N4BP1: variants seen among roughly 807,000 people sequenced by gnomAD.
The protein encoded by N4BP1 is NEDD4-binding protein 1.
A neutral mutation model predicts 70.9 loss-of-function variants in N4BP1; 21 were observed. That is an observed-to-expected ratio of 0.30 (90% CI 0.21 to 0.43). N4BP1 has a LOEUF of 0.43. Among genes scored for constraint, N4BP1 ranks in the 20% least tolerant of loss-of-function variants. The probability of loss-of-function intolerance (pLI) is 1.00; values close to 1 mark genes in which losing one functional copy is unlikely to be tolerated. For synonymous variants in N4BP1, 387 were observed against 394.6 expected, an observed-to-expected ratio of 0.98 and a Z score of 0.23; for missense variants, 936 against 1,069.4, an observed-to-expected ratio of 0.88 and a Z score of 1.74.
intron 1 of N4BP1, among the ~76,000 whole-genome samples, chr16:48,573,480 C>A (rs950894264): frequency 7.2e-5 from 11 of 152,160 alleles, no homozygotes; most frequent in African/African-American, 2.7e-4. Flanking sequence ...GTAGTCCCAG[C>A]TACTCAGGAG....
At chr16:48,546,858 A>G (rs536987978) in intron 5 of N4BP1, among the ~76,000 whole-genome samples, 1 of 152,356 alleles carries the variant, frequency 6.6e-6, no homozygotes, top group Admixed American at 6.5e-5. Context: ...GCTGGAGAAC[A>G]CCAGTCTTGA....
chr16:48,569,196 C>T (rs1284707607), intron 1 of N4BP1, among the ~76,000 whole-genome samples: 1 of 152,152 alleles, frequency 6.6e-6, no homozygotes. Context: ...CCTTTATATG[C>T]CAATTTTGAA....
intron 1 of N4BP1, among the ~76,000 whole-genome samples, chr16:48,580,388 G>GA (rs2151095532): frequency 6.6e-6 from 1 of 152,180 alleles, no homozygotes; most frequent in East Asian, 1.9e-4. Context: ...ATTAGGAATA[G>GA]AAAACCTGAA....
In N4BP1 at chr16:48,542,928, C is replaced by T. The variant is rs371151245; in HGVS notation, c.2667G>A (p.Ala889=). 1.9e-4 allele frequency: 311 copies of T among 1,609,776 alleles called. No individual in the cohort carries two copies. Among genetic ancestry groups the T allele is most frequent in the Non-Finnish European group, 2.3e-4 (276 of 1,176,602 alleles). The part of the protein sequence containing the change: ...VAHPYMKDLN[A]LSAMVLD Reference sequence around the variant, plus strand: ...TTCAATCCAACACCATGGCAGAAAGCGCATTTAGATCTTTCATGTATGGGT... The same window carrying T: ...TTCAATCCAACACCATGGCAGAAAGTGCATTTAGATCTTTCATGTATGGGT... The change falls in exon 7 of 7, where the codon GCG becomes GCA. Residue 889 remains alanine (A), a synonymous_variant. Coordinates refer to ENST00000262384, the MANE Select transcript of N4BP1 (RefSeq NM_153029.4).
intron 1 of N4BP1, among the ~76,000 whole-genome samples, chr16:48,590,028 T>C (rs1241103534): frequency 6.6e-6 from 1 of 152,200 alleles, no homozygotes; most frequent in Non-Finnish European, 1.5e-5. Flanking sequence ...TTAGAAATGA[T>C]GGTTTAGGAG....
intron 6 of N4BP1, among the ~76,000 whole-genome samples, chr16:48,545,244 C>A (rs549879352): frequency 6.7e-6 from 1 of 150,348 alleles, no homozygotes; most frequent in Non-Finnish European, 1.5e-5. Context: ...GGATTACAGG[C>A]GTGAGCCACC....
chr16:48,567,162 G>A (rs933490714), intron 1 of N4BP1, among the ~76,000 whole-genome samples: 15 of 152,122 alleles, frequency 9.9e-5, no homozygotes, highest in African/African-American at 3.6e-4. Flanking sequence ...GACGGTGCCT[G>A]TCTTTTAATT....
At chr16:48,567,055 T>A (rs952683767) in intron 1 of N4BP1, among the ~76,000 whole-genome samples, 1 of 152,240 alleles carries the variant, frequency 6.6e-6, no homozygotes, top group African/African-American at 2.4e-5. Flanking sequence ...GCATGGCACA[T>A]GTCTTTCCTC....
At chr16:48,594,010 A>AC (rs904758060) in intron 1 of N4BP1, among the ~76,000 whole-genome samples, 11 of 150,724 alleles carry the variant, frequency 7.3e-5, no homozygotes, top group African/African-American at 2.7e-4. Context: ...TCAAAAAAAA[A>AC]AAAAAAAACA....
At chr16:48,565,695 G>T (rs924499317) in intron 1 of N4BP1, among the ~76,000 whole-genome samples, 5 of 152,184 alleles carry the variant, frequency 3.3e-5, no homozygotes, top group Non-Finnish European at 7.3e-5. Context: ...AGACTGTGTA[G>T]AATTGATGTT....
At chr16:48,604,901 C>T (rs1964555792) in intron 1 of N4BP1, among the ~76,000 whole-genome samples, 1 of 152,202 alleles carries the variant, frequency 6.6e-6, no homozygotes, top group Non-Finnish European at 1.5e-5. Flanking sequence ...GGAAGCTGCC[C>T]TCTCCAAAAG....
At chr16:48,584,663 G>A (rs988609953) in intron 1 of N4BP1, among the ~76,000 whole-genome samples, 9 of 151,560 alleles carry the variant, frequency 5.9e-5, no homozygotes, top group Non-Finnish European at 5.9e-5. Context: ...TATTCCCAGC[G>A]ACTTGGGAGG....
At chr16:48,547,968 C>G (rs749279797) in intron 5 of N4BP1, 39 bp downstream of exon 5, 1 of 1,342,416 alleles carries the variant, frequency 7.4e-7, no homozygotes, top group African/African-American at 1.5e-5. Flanking sequence ...CAATTAAAAA[C>G]AAAACTTTTC....
At chr16:48,586,533 A>G (rs941315217) in intron 1 of N4BP1, among the ~76,000 whole-genome samples, 1 of 152,236 alleles carries the variant, frequency 6.6e-6, no homozygotes, top group Middle Eastern at 3.2e-3. Context: ...GAATTACAAC[A>G]GTATATATAC....
chr16:48,588,483 C>T lies in N4BP1; in HGVS notation c.198+21292G>A, dbSNP rs143314965. ...CTAATTTTTGTATTTTTAGTAGAGA[C>T]GGGGTTTCACCATATTGGCCAGGCT... On this transcript the variant is annotated intron_variant, in intron 1 of 6. Coordinates refer to ENST00000262384, the MANE Select transcript of N4BP1 (RefSeq NM_153029.4). Among the ~76,000 whole-genome samples, 1,139 of 152,008 alleles carry T rather than the reference C, an allele frequency of 7.5e-3. 12 individuals carry two copies. Among genetic ancestry groups the T allele is most frequent in the African/African-American group, 0.026 (1,084 of 41,466 alleles).
At chr16:48,565,856 C>A (rs1963936062) in intron 1 of N4BP1, among the ~76,000 whole-genome samples, 1 of 152,280 alleles carries the variant, frequency 6.6e-6, no homozygotes, top group East Asian at 1.9e-4. Flanking sequence ...TGAGTCATGG[C>A]AGTTTGTGCC....
chr16:48,608,602 G>A (rs915427172), intron 1 of N4BP1, among the ~76,000 whole-genome samples: 1 of 152,090 alleles, frequency 6.6e-6, no homozygotes, highest in East Asian at 1.9e-4. Context: ...GAAAAACCTA[G>A]AGAAACTTGG....
Position 48,595,289 on chromosome 16 carries a change from C to T in N4BP1, c.198+14486G>A, listed in dbSNP as rs150568869. Among the ~76,000 whole-genome samples the T allele has an allele frequency of 7.5e-3, 1,134 of 151,652 alleles. 12 individuals carry two copies. The highest frequency in any genetic ancestry group is 0.026 in the African/African-American group (1,084 of 41,336). On this transcript the variant is annotated intron_variant, in intron 1 of 6. Transcript: ENST00000262384. Reference sequence around the variant, plus strand: ...CCAGCCTGGCCAACATGGCAAAAACCCCATCTCTACTAAAGGTTCAAAAAT... The same window carrying T: ...CCAGCCTGGCCAACATGGCAAAAACTCCATCTCTACTAAAGGTTCAAAAAT...
At chr16:48,557,657 C>A (rs936200851) in intron 2 of N4BP1, among the ~76,000 whole-genome samples, 5 of 152,128 alleles carry the variant, frequency 3.3e-5, no homozygotes, top group African/African-American at 1.2e-4. Flanking sequence ...CTAAAAAAAT[C>A]CTAAACTGGG....
Sources: gnomAD v4.1 joint callset for allele counts (sites outside exome capture counted in the v4.1 genomes callset) on GRCh38, gnomAD v4.1.1 for gene constraint, MANE v1.5 for transcripts, NCBI Gene and HGNC (gene_info 2026-07-23, HGNC 2026-07-21) for gene names.